Variants in DCC observed in about 807,000 individuals in gnomAD.
DCC encodes netrin receptor DCC.
DCC carries 58 observed loss-of-function variants against 172.5 expected under a neutral mutation model. The ratio of observed to expected loss-of-function variants is 0.34; its 90% CI spans 0.27 to 0.42. The LOEUF is 0.42. Ranked by LOEUF, DCC falls within the 10% of genes least tolerant of loss-of-function variation. The probability of loss-of-function intolerance (pLI) is 1.00; values close to 1 mark genes in which losing one functional copy is unlikely to be tolerated. For missense variants in DCC, 1,740 were observed against 1,791.0 expected, an observed-to-expected ratio of 0.97 and a Z score of 0.51; for synonymous variants, 709 against 644.5, an observed-to-expected ratio of 1.10 and a Z score of -1.52.
intron 1 of DCC, among the ~76,000 whole-genome samples, chr18:52,471,825 T>C (rs756004368): frequency 6.6e-6 from 1 of 152,238 alleles, no homozygotes; most frequent in Non-Finnish European, 1.5e-5. Flanking sequence ...ATACTTTGTG[T>C]AACCTTGCTG....
At chr18:53,472,857 CCAAA>C (rs1443326084) in intron 25 of DCC, among the ~76,000 whole-genome samples, 5 of 152,134 alleles carry the variant, frequency 3.3e-5, no homozygotes, top group Admixed American at 6.5e-5. Flanking sequence ...ACAAAACAAA[CCAAA>C]CAAATTTTTA....
intron 1 of DCC, among the ~76,000 whole-genome samples, chr18:52,645,588 C>A (rs533265278): frequency 1.3e-5 from 2 of 152,244 alleles, no homozygotes; most frequent in Middle Eastern, 3.4e-3. Flanking sequence ...TACCTGGCAT[C>A]ATTTCAAAGG....
intron 7 of DCC, among the ~76,000 whole-genome samples, chr18:53,116,764 G>A (rs1269689123): frequency 2.0e-5 from 3 of 151,350 alleles, no homozygotes; most frequent in African/African-American, 7.3e-5. Flanking sequence ...GTTTTCCTTC[G>A]ATTTCAATTG....
chr18:53,509,922 A>G (rs998479645), intron 27 of DCC, among the ~76,000 whole-genome samples: 2 of 152,222 alleles, frequency 1.3e-5, no homozygotes, highest in Non-Finnish European at 2.9e-5. Context: ...TGCAAAATTT[A>G]TTCATTTTCA....
intron 2 of DCC, among the ~76,000 whole-genome samples, chr18:52,842,606 G>C (rs2145321118): frequency 6.6e-6 from 1 of 152,268 alleles, no homozygotes; most frequent in Admixed American, 6.5e-5. Flanking sequence ...CCAAGTTTGT[G>C]TGCATCACAT....
At chr18:53,182,001 A>G (rs895516063) in intron 9 of DCC, among the ~76,000 whole-genome samples, 7 of 152,244 alleles carry the variant, frequency 4.6e-5, no homozygotes, top group Non-Finnish European at 7.3e-5. Context: ...TATGCTTTAT[A>G]TATCACACAT....
intron 5 of DCC, among the ~76,000 whole-genome samples, chr18:53,049,877 C>T (rs1275632630): frequency 6.6e-6 from 1 of 151,980 alleles, no homozygotes; most frequent in Non-Finnish European, 1.5e-5. Context: ...CTCACATGAT[C>T]ACTAGGTGAA....
At chr18:53,079,858 T>C (rs2042773657) in intron 7 of DCC, among the ~76,000 whole-genome samples, 1 of 152,136 alleles carries the variant, frequency 6.6e-6, no homozygotes, top group Non-Finnish European at 1.5e-5. Flanking sequence ...AAAGTATGTA[T>C]TCAGTGAATT....
At chr18:52,834,868 T>G (rs1039911659) in intron 2 of DCC, among the ~76,000 whole-genome samples, 6 of 152,028 alleles carry the variant, frequency 3.9e-5, no homozygotes, top group Non-Finnish European at 8.8e-5. Context: ...AAATGACTGG[T>G]ACAATTAACT....
chr18:53,416,389 A>C, intron 21 of DCC: 1 of 674,476 alleles, frequency 1.5e-6, no homozygotes, highest in Non-Finnish European at 2.7e-6. Flanking sequence ...CTGAAGGACC[A>C]ATTAAAATGT....
intron 3 of DCC, among the ~76,000 whole-genome samples, chr18:52,907,307 C>CATGTGGATATATACATATGT (rs1555680325): frequency 9.9e-6 from 1 of 101,516 alleles, no homozygotes; most frequent in Admixed American, 1.2e-4. Flanking sequence ...TGGATATATA[C>CATGTGGATATATACATATGT]ATATGTATAT....
At chr18:52,635,590 A>G (rs1331696187) in intron 1 of DCC, among the ~76,000 whole-genome samples, 1 of 152,202 alleles carries the variant, frequency 6.6e-6, no homozygotes, top group African/African-American at 2.4e-5. Flanking sequence ...TATAAGGCTA[A>G]TGGCTATTAC....
At chr18:52,853,450 C>T (rs2039007453) in intron 2 of DCC, among the ~76,000 whole-genome samples, 3 of 152,188 alleles carry the variant, frequency 2.0e-5, no homozygotes. Context: ...ATTTCACAAC[C>T]ATTTTATGAA....
At chr18:52,616,327 G>C (rs2034382040) in intron 1 of DCC, among the ~76,000 whole-genome samples, 1 of 151,726 alleles carries the variant, frequency 6.6e-6, no homozygotes, top group Non-Finnish European at 1.5e-5. Context: ...TGGTTAGACG[G>C]GACTATCATA....
chr18:52,950,940 A>C (rs2040635853), intron 5 of DCC, among the ~76,000 whole-genome samples: 2 of 26,456 alleles, frequency 7.6e-5, no homozygotes, highest in South Asian at 8.1e-4. Flanking sequence ...AAAAAAAAAA[A>C]AAAAAAAAAA....
intron 7 of DCC, among the ~76,000 whole-genome samples, chr18:53,129,915 C>A (rs1445362271): frequency 6.6e-6 from 1 of 151,900 alleles, no homozygotes; most frequent in Non-Finnish European, 1.5e-5. Flanking sequence ...ACATCTAAAC[C>A]CTAGAGTAGT....
At chr18:53,151,513 T>C (rs1324509724) in intron 7 of DCC, among the ~76,000 whole-genome samples, 5 of 152,208 alleles carry the variant, frequency 3.3e-5, no homozygotes, top group Non-Finnish European at 4.4e-5. Flanking sequence ...AATGTACCTA[T>C]CCAATACATT....
At chr18:52,912,168 C>T (rs1314255459) in intron 3 of DCC, among the ~76,000 whole-genome samples, 1 of 152,048 alleles carries the variant, frequency 6.6e-6, no homozygotes, top group African/African-American at 2.4e-5. Context: ...GGTAATTGTA[C>T]AATTTAGGGC....
At chr18:52,676,186 G>A (rs966977048) in intron 1 of DCC, among the ~76,000 whole-genome samples, 1 of 152,170 alleles carries the variant, frequency 6.6e-6, no homozygotes, top group Non-Finnish European at 1.5e-5. Context: ...TCAAATCCCA[G>A]TTCTCTCAGC....
Sources: gnomAD v4.1 joint callset for allele counts (sites outside exome capture counted in the v4.1 genomes callset) on GRCh38, gnomAD v4.1.1 for gene constraint, MANE v1.5 for transcripts, NCBI Gene and HGNC (gene_info 2026-07-23, HGNC 2026-07-21) for gene names.